The following STK32B variants were observed in gnomAD, a reference collection of about 807,000 sequenced individuals.
The protein encoded by STK32B is serine/threonine kinase 32B.
A neutral mutation model predicts 52.6 loss-of-function variants in STK32B; 43 were observed. The observed-to-expected ratio is 0.82, with a 90% CI of 0.64 to 1.05. STK32B has a LOEUF of 1.05. STK32B is among the 50% of genes least tolerant of loss of function. STK32B has a pLI of 0.00. For synonymous variants in STK32B, 238 were observed against 204.3 expected, an observed-to-expected ratio of 1.17 and a Z score of -1.41; for missense variants, 621 against 534.6, an observed-to-expected ratio of 1.16 and a Z score of -1.59.
chr4:5,217,706 C>G (rs79451848), intron 3 of STK32B, among the ~76,000 whole-genome samples: 2 of 152,126 alleles, frequency 1.3e-5, no homozygotes, highest in African/African-American at 4.8e-5. Context: ...GGACTTGTCT[C>G]TTAAGTCTAA....
intron 5 of STK32B, among the ~76,000 whole-genome samples, chr4:5,408,454 C>G (rs1236834116): frequency 6.6e-6 from 1 of 152,138 alleles, no homozygotes; most frequent in African/African-American, 2.4e-5. Context: ...TGAGGCCTCT[C>G]CAGAAACCAA....
intron 5 of STK32B, among the ~76,000 whole-genome samples, chr4:5,414,113 T>C (rs1711949651): frequency 6.6e-6 from 1 of 152,148 alleles, no homozygotes; most frequent in Admixed American, 6.5e-5. Flanking sequence ...GAATAAATGA[T>C]ACATTGTATG....
At chr4:5,416,813 G>A (rs767416609) in intron 5 of STK32B, 32 bp from the exon 6 acceptor site, 49 of 1,604,510 alleles carry the variant, frequency 3.1e-5, no homozygotes, top group Non-Finnish European at 3.9e-5. Context: ...TGCAGCCCAC[G>A]CTAACTGGAG....
At chr4:5,132,728 T>C (rs935650740) in intron 1 of STK32B, among the ~76,000 whole-genome samples, 1 of 152,126 alleles carries the variant, frequency 6.6e-6, no homozygotes, top group African/African-American at 2.4e-5. Context: ...ACCAAGTATA[T>C]GGCCATTTGT....
intron 1 of STK32B, among the ~76,000 whole-genome samples, chr4:5,082,116 A>G (rs1219562385): frequency 6.7e-6 from 1 of 149,766 alleles, no homozygotes; most frequent in African/African-American, 2.4e-5. Flanking sequence ...CCTGCTCTAC[A>G]TCTTTTTTTT....
chr4:5,483,602 A>G lies in STK32B; in HGVS notation c.1107-15343A>G, dbSNP rs543742791. On this transcript the variant is annotated intron_variant, in intron 11 of 11. Coordinates refer to ENST00000282908, the MANE Select transcript of STK32B (RefSeq NM_018401.3). ...CTCTATTTCCTTCAGTTCTGCTCTG[A>G]TCTTAGTTATTTCTTGCCTTCTGCT... is the stretch of plus-strand genomic sequence containing the variant. Among the ~76,000 whole-genome samples the G allele has an allele frequency of 3.1e-4, 47 of 151,858 alleles. No homozygotes were observed. The South Asian group carries it at 6.5e-3, about 21-fold the overall frequency.
At chr4:5,442,431 G>T (rs1714876708) in intron 6 of STK32B, among the ~76,000 whole-genome samples, 1 of 151,668 alleles carries the variant, frequency 6.6e-6, no homozygotes, top group African/African-American at 2.4e-5. Flanking sequence ...TGCAACCCCT[G>T]CCTTTTTTTG....
intron 4 of STK32B, among the ~76,000 whole-genome samples, chr4:5,383,685 C>T (rs1452798635): frequency 6.6e-6 from 1 of 152,154 alleles, no homozygotes; most frequent in African/African-American, 2.4e-5. Flanking sequence ...TCTGAAACCA[C>T]TAGGCAGTGG....
intron 4 of STK32B, among the ~76,000 whole-genome samples, chr4:5,371,765 G>C (rs1439531196): frequency 6.6e-6 from 1 of 152,240 alleles, no homozygotes; most frequent in African/African-American, 2.4e-5. Flanking sequence ...GTGCATCTGT[G>C]AACAGCATTG....
At chr4:5,200,893 G>C (rs1368111361) in intron 3 of STK32B, among the ~76,000 whole-genome samples, 4 of 152,168 alleles carry the variant, frequency 2.6e-5, no homozygotes, top group Admixed American at 2.6e-4. Context: ...AAGCTCCCCA[G>C]ATGGTTCCAT....
chr4:5,497,190 A>G (rs28718965), intron 11 of STK32B, among the ~76,000 whole-genome samples: 56,135 of 152,054 alleles, frequency 0.37, 10,876 homozygotes, highest in Non-Finnish European at 0.41. Flanking sequence ...ACATGTTAGC[A>G]GCTGGAATCC....
chr4:5,335,828 A>C (rs1462090105), intron 4 of STK32B, among the ~76,000 whole-genome samples: 1 of 152,026 alleles, frequency 6.6e-6, no homozygotes, highest in Non-Finnish European at 1.5e-5. Flanking sequence ...GTTTGATTGC[A>C]CTGTGATCTG....
rs1379053491 is a variant in STK32B at position 5,051,833 on chromosome 4, G to A, written c.-31G>A. On this transcript the variant is annotated 5_prime_UTR_variant, in exon 1 of 12. Transcript: ENST00000282908. ...TCCCGCATCCGGCATCCCAGCGGCC[G>A]GGCATGTAGCAGCGGCAGCAACGGC... 2 of 1,582,646 alleles carry A rather than the reference G, an allele frequency of 1.3e-6. No individual in the cohort carries two copies. Among genetic ancestry groups the A allele is most frequent in the Middle Eastern group, 1.7e-4 (1 of 6,024 alleles).
intron 3 of STK32B, among the ~76,000 whole-genome samples, chr4:5,267,122 G>A (rs889683035): frequency 6.4e-5 from 1 of 15,598 alleles, no homozygotes; most frequent in African/African-American, 4.4e-4. Context: ...CTAAAAATGT[G>A]CATTGTTTGC....
At chr4:5,327,105 G>A (rs1223604765) in intron 3 of STK32B, among the ~76,000 whole-genome samples, 1 of 151,806 alleles carries the variant, frequency 6.6e-6, no homozygotes, top group South Asian at 2.1e-4. Context: ...ACGTTTTATC[G>A]TGAGATGGCA....
chr4:5,397,720 A>G (rs985722394), intron 4 of STK32B, among the ~76,000 whole-genome samples: 1 of 152,260 alleles, frequency 6.6e-6, no homozygotes, highest in Non-Finnish European at 1.5e-5. Context: ...CTTAGCTCCC[A>G]GGCCATACAA....
intron 9 of STK32B, among the ~76,000 whole-genome samples, chr4:5,464,348 C>T (rs1384004515): frequency 1.2e-4 from 18 of 152,232 alleles, no homozygotes; most frequent in Admixed American, 1.2e-3. Flanking sequence ...ACATTCCCAG[C>T]CAGCGCCACC....
At chr4:5,450,126 G>A (rs932453693) in intron 7 of STK32B, among the ~76,000 whole-genome samples, 1 of 152,158 alleles carries the variant, frequency 6.6e-6, no homozygotes, top group African/African-American at 2.4e-5. Context: ...TTGTAGGCTA[G>A]ACAAGAGACC....
chr4:5,450,045 CAAAACCAGTCCCTGGTGCCA>C (rs1715848987), intron 7 of STK32B, among the ~76,000 whole-genome samples: 1 of 152,204 alleles, frequency 6.6e-6, no homozygotes, highest in Admixed American at 6.5e-5. Context: ...ATGTCTTCCA[CAAAACCAGTCCCTGGTGCCA>C]AAAATATTGG....
Sources: allele counts gnomAD v4.1 joint callset (sites outside exome capture counted in the v4.1 genomes callset), GRCh38; gene constraint gnomAD v4.1.1; transcripts MANE v1.5; gene names NCBI Gene and HGNC (gene_info 2026-07-23, HGNC 2026-07-21).